The following SPMIP3 variants were observed in gnomAD, a reference collection of about 807,000 sequenced individuals.
SPMIP3 encodes sperm microtubule inner protein 3.
At chr1:244,373,222 A>C in the SPMIP3 span, among the ~76,000 whole-genome samples, 1 of 151,220 alleles carries the variant, frequency 6.6e-6, no homozygotes, top group African/African-American at 2.4e-5. Flanking sequence ...CTTTTAAAAA[A>C]AATGGTTTTC....
At chr1:244,363,576 G>C in the SPMIP3 span, among the ~76,000 whole-genome samples, 2 of 152,158 alleles carry the variant, frequency 1.3e-5, no homozygotes. Context: ...CCCCCAGGAG[G>C]CATCTAGAAC....
At chr1:244,372,475 A>G in the SPMIP3 span, among the ~76,000 whole-genome samples, 14 of 143,728 alleles carry the variant, frequency 9.7e-5, no homozygotes, top group Admixed American at 5.0e-4. Context: ...ATGGAGTCTC[A>G]CTCTGTCCCC....
At chr1:244,386,406 C>G in the SPMIP3 span, among the ~76,000 whole-genome samples, 4 of 152,192 alleles carry the variant, frequency 2.6e-5, no homozygotes, top group African/African-American at 9.7e-5. Context: ...TCATTTCACA[C>G]TTTCTTCTCA....
chr1:244,375,414 C>T, the SPMIP3 span: 1 of 1,613,942 alleles, frequency 6.2e-7, no homozygotes, highest in South Asian at 1.1e-5. Flanking sequence ...AAGGCTATTA[C>T]CCTGGGCAGC....
the SPMIP3 span, among the ~76,000 whole-genome samples, chr1:244,377,374 G>A: frequency 6.6e-6 from 1 of 152,308 alleles, no homozygotes; most frequent in Non-Finnish European, 1.5e-5. Flanking sequence ...GCCTGCCTCG[G>A]CCTCCCAAAG....
the SPMIP3 span, chr1:244,375,176 C>T: frequency 2.3e-6 from 1 of 429,826 alleles, no homozygotes; most frequent in South Asian, 3.8e-5. Context: ...GGCCCATACA[C>T]TCAGCTATGG....
At chr1:244,355,009 G>T in the SPMIP3 span, among the ~76,000 whole-genome samples, 5 of 152,208 alleles carry the variant, frequency 3.3e-5, no homozygotes, top group African/African-American at 9.6e-5. Context: ...GAAATCACGT[G>T]TCTTTTGCTG....
the SPMIP3 span, chr1:244,375,154 G>A: frequency 3.3e-4 from 114 of 340,538 alleles, no homozygotes; most frequent in South Asian, 7.5e-3. Context: ...GTGGGAGGAG[G>A]GAGGCCTGCG....
the SPMIP3 span, among the ~76,000 whole-genome samples, chr1:244,356,974 T>G: frequency 9.8e-3 from 1,422 of 144,924 alleles, 23 homozygotes; most frequent in African/African-American, 0.034. Flanking sequence ...CCAGGCTGGA[T>G]TGCAGTGGCA....
the SPMIP3 span, chr1:244,378,375 C>T: frequency 4.6e-6 from 6 of 1,313,496 alleles, no homozygotes; most frequent in Non-Finnish European, 6.3e-6. Context: ...GTTAGCCTCA[C>T]GGCCGTTTCC....
the SPMIP3 span, among the ~76,000 whole-genome samples, chr1:244,383,065 A>G: frequency 2.0e-5 from 3 of 152,176 alleles, no homozygotes; most frequent in African/African-American, 4.8e-5. Context: ...GGTGGCATCA[A>G]CTGGACTTGG....
At chr1:244,384,066 C>A in the SPMIP3 span, among the ~76,000 whole-genome samples, 1 of 152,028 alleles carries the variant, frequency 6.6e-6, no homozygotes, top group African/African-American at 2.4e-5. Flanking sequence ...CTCCCCAAAC[C>A]TATGGAAATA....
At chr1:244,365,434 C>A in the SPMIP3 span, among the ~76,000 whole-genome samples, 1 of 152,194 alleles carries the variant, frequency 6.6e-6, no homozygotes, top group African/African-American at 2.4e-5. Context: ...TTCCCCTGAA[C>A]AAACTCTCTT....
chr1:244,378,007 G>A, the SPMIP3 span, among the ~76,000 whole-genome samples: 2 of 151,918 alleles, frequency 1.3e-5, no homozygotes, highest in Non-Finnish European at 2.9e-5. Context: ...GGTTTTCACC[G>A]TGTTGCTCAG....
At chr1:244,364,606 G>A in the SPMIP3 span, 46 of 1,158,078 alleles carry the variant, frequency 4.0e-5, no homozygotes, top group Non-Finnish European at 5.3e-5. Context: ...TTTCAAGATG[G>A]ACTTTGTGGT....
At chr1:244,361,320 C>G in the SPMIP3 span, among the ~76,000 whole-genome samples, 2 of 149,758 alleles carry the variant, frequency 1.3e-5, no homozygotes, top group African/African-American at 4.9e-5. Context: ...ACCTCTGCCT[C>G]CTGGGTTCAA....
the SPMIP3 span, among the ~76,000 whole-genome samples, chr1:244,367,491 A>G: frequency 6.6e-6 from 1 of 152,160 alleles, no homozygotes; most frequent in Admixed American, 6.5e-5. Context: ...CCCACAGGTC[A>G]GGAGAGGCAC....
the SPMIP3 span, chr1:244,374,959 ATT>A: frequency 2.0e-5 from 3 of 153,060 alleles, no homozygotes; most frequent in African/African-American, 7.3e-5. Flanking sequence ...TTTATTTCTT[ATT>A]TTTTGTTTTT....
the SPMIP3 span, among the ~76,000 whole-genome samples, chr1:244,373,122 T>TA: frequency 6.6e-6 from 1 of 151,742 alleles, no homozygotes; most frequent in Admixed American, 6.6e-5. Flanking sequence ...GGCTCGCACC[T>TA]GCAATCCCAG....
Sources: gnomAD v4.1 joint callset for allele counts (sites outside exome capture counted in the v4.1 genomes callset) on GRCh38, gnomAD v4.1.1 for gene constraint, MANE v1.5 for transcripts, NCBI Gene and HGNC (gene_info 2026-07-23, HGNC 2026-07-21) for gene names.